ZFHX3: variants seen among roughly 807,000 people sequenced by gnomAD.
ZFHX3 encodes the protein zinc finger homeobox 3, also known as zinc finger homeobox protein 3.
A neutral mutation model predicts 279.1 loss-of-function variants in ZFHX3; 42 were observed. The observed-to-expected ratio is 0.15, with a 90% CI of 0.12 to 0.19. The LOEUF is 0.19. Among genes scored for constraint, ZFHX3 ranks in the 10% least tolerant of loss-of-function variants. ZFHX3 has a pLI of 1.00. For synonymous variants in ZFHX3, 2,293 were observed against 1,957.8 expected (o/e 1.17, Z -4.52); for missense variants, 4,981 against 4,754.0 (o/e 1.05, Z -1.40).
intron 1 of ZFHX3, among the ~76,000 whole-genome samples, chr16:72,990,497 C>T (rs773895936): frequency 4.6e-5 from 7 of 152,158 alleles, no homozygotes; most frequent in East Asian, 1.9e-4. Context: ...GTCCCAGCCA[C>T]GGATGGGACA....
At position 72,961,568 on chromosome 16, in the gene ZFHX3, G is replaced by A. The variant is rs566584443; in HGVS notation, c.-49-1374C>T. On this transcript the variant is annotated intron_variant, in intron 1 of 9. Transcript: ENST00000268489. Reference sequence around the variant, plus strand: ...CCCACCATCTCATTCACACTCAGCCGGTGAAGGTTTCGGCCAGGTTTGATC... The same window carrying A: ...CCCACCATCTCATTCACACTCAGCCAGTGAAGGTTTCGGCCAGGTTTGATC... Among the ~76,000 whole-genome samples, 10 of 151,894 alleles carry A rather than the reference G, an allele frequency of 6.6e-5. No individual in the cohort carries two copies. The South Asian group carries it at 1.5e-3, about 22-fold the overall frequency.
intron 4 of ZFHX3, among the ~76,000 whole-genome samples, chr16:73,300,264 TAAA>T (rs36110201): frequency 0.12 from 14,510 of 123,982 alleles, 812 homozygotes; most frequent in African/African-American, 0.14. Flanking sequence ...CTCTGTCTCT[TAAA>T]AAAAAAAAAA....
chr16:73,323,726 G>C (rs1321316975), intron 3 of ZFHX3, among the ~76,000 whole-genome samples: 2 of 152,160 alleles, frequency 1.3e-5, no homozygotes, highest in African/African-American at 2.4e-5. Context: ...GGAAAAGGGA[G>C]GAGGAGAAGG....
chr16:73,155,770 C>A lies in ZFHX3; in HGVS notation c.-1103-11939G>T, dbSNP rs558868051. Among the ~76,000 whole-genome samples, 23 of 152,058 alleles carry A rather than the reference C, an allele frequency of 1.5e-4. 1 individual carries two copies. Among genetic ancestry groups the A allele is most frequent in the Admixed American group, 1.4e-3 (21 of 15,268 alleles). ...CCCAGGAGGCGGAGGTCACAGTGAGCCGAGATCGCGCCATTGCACTCCAGC... is the reference window on the plus strand; with the variant it reads ...CCCAGGAGGCGGAGGTCACAGTGAGACGAGATCGCGCCATTGCACTCCAGC... On this transcript the variant is annotated intron_variant, in intron 5 of 17. Transcript: ENST00000641206.
At chr16:72,866,555 G>GA (rs2038029133) in intron 4 of ZFHX3, among the ~76,000 whole-genome samples, 1 of 152,182 alleles carries the variant, frequency 6.6e-6, no homozygotes, top group Admixed American at 6.5e-5. Flanking sequence ...ACTAAGCTCA[G>GA]AAAAGCTGGG....
At chr16:73,637,600 G>A (rs1357637168) in intron 2 of ZFHX3, among the ~76,000 whole-genome samples, 1 of 152,010 alleles carries the variant, frequency 6.6e-6, no homozygotes, top group East Asian at 1.9e-4. Flanking sequence ...TTATAGTGTT[G>A]GGTACATGAG....
chr16:73,462,596 T>C (rs1274936548), intron 2 of ZFHX3, among the ~76,000 whole-genome samples: 1 of 152,202 alleles, frequency 6.6e-6, no homozygotes, highest in African/African-American at 2.4e-5. Context: ...TATTTCTTTA[T>C]TTCTAAGAGT....
chr16:73,375,465 T>A (rs1376045940), intron 3 of ZFHX3, among the ~76,000 whole-genome samples: 1 of 152,196 alleles, frequency 6.6e-6, no homozygotes, highest in East Asian at 1.9e-4. Flanking sequence ...TGGTCACTGT[T>A]AATGGGTTAG....
chr16:73,014,805 T>C (rs1964042413), intron 1 of ZFHX3, among the ~76,000 whole-genome samples: 1 of 151,606 alleles, frequency 6.6e-6, no homozygotes, highest in Non-Finnish European at 1.5e-5. Flanking sequence ...AGCCACCATG[T>C]CCGGCCTATG....
intron 3 of ZFHX3, among the ~76,000 whole-genome samples, chr16:73,376,858 T>C (rs898359207): frequency 4.6e-5 from 7 of 152,196 alleles, no homozygotes; most frequent in African/African-American, 1.7e-4. Context: ...TCTAAGACAT[T>C]TTACTAAGCT....
intron 1 of ZFHX3, among the ~76,000 whole-genome samples, chr16:73,783,329 C>G (rs1422130482): frequency 6.6e-6 from 1 of 152,234 alleles, no homozygotes; most frequent in Non-Finnish European, 1.5e-5. Context: ...CACTGTTGAA[C>G]TCTTTCCTGT....
chr16:73,417,396 C>CTTTTTT (rs57283343), intron 3 of ZFHX3, among the ~76,000 whole-genome samples: 319 of 118,556 alleles, frequency 2.7e-3, no homozygotes, highest in Non-Finnish European at 3.8e-3. Flanking sequence ...TTTTTCTTTT[C>CTTTTTT]TTTTTTTTTT....
intron 3 of ZFHX3, among the ~76,000 whole-genome samples, chr16:72,906,700 A>T (rs2039182265): frequency 6.6e-6 from 1 of 152,158 alleles, no homozygotes; most frequent in South Asian, 2.1e-4. Context: ...CAGGAGGCTG[A>T]TGCAGGAGAA....
chr16:72,892,271 T>A (rs1041737761), intron 3 of ZFHX3, among the ~76,000 whole-genome samples: 11 of 152,168 alleles, frequency 7.2e-5, no homozygotes, highest in Admixed American at 1.3e-4. Flanking sequence ...TGCCAACTTG[T>A]ACGTAAGAAT....
chr16:72,957,592 T>C lies in ZFHX3; in HGVS notation c.2554A>G (p.Ser852Gly). The change falls in exon 2 of 10, where the codon AGC becomes GGC. Residue 852 changes from serine (S) to glycine (G), a missense_variant. Transcript: ENST00000268489. ...IQHNRHLGLG[S>G]LPSPAEAELY... ...TCGGCCTCGGCGGGTGAGGGCAGGC[T>C]GCCGAGGCCCAGGTGGCGGTTGTGT... The C allele has an allele frequency of 5.0e-6, 8 of 1,614,036 alleles. No individual in the cohort carries two copies. The highest frequency in any genetic ancestry group is 6.8e-6 in the Non-Finnish European group (8 of 1,180,012).
chr16:72,790,008 G>T (rs1000311283), intron 9 of ZFHX3: 1 of 152,302 alleles, frequency 6.6e-6, no homozygotes, highest in African/African-American at 2.4e-5. Context: ...GCCCTCATGG[G>T]CTAGAATCCC....
intron 3 of ZFHX3, among the ~76,000 whole-genome samples, chr16:73,411,307 G>C (rs540344865): frequency 2.0e-5 from 3 of 152,314 alleles, no homozygotes; most frequent in African/African-American, 2.4e-5. Context: ...TAGGAGATTT[G>C]TGTATTATTG....
chr16:73,050,319 C>A (rs529761960), upstream of ZFHX3, among the ~76,000 whole-genome samples: 2 of 152,374 alleles, frequency 1.3e-5, no homozygotes, highest in East Asian at 3.9e-4. Flanking sequence ...GACCCTGCAA[C>A]CTGCCTCCTG....
chr16:73,285,639 C>T (rs2014576849), intron 4 of ZFHX3, among the ~76,000 whole-genome samples: 1 of 152,176 alleles, frequency 6.6e-6, no homozygotes, highest in Admixed American at 6.5e-5. Context: ...CATATGAAGC[C>T]TCGGCTGGTC....
Sources: allele counts gnomAD v4.1 joint callset (sites outside exome capture counted in the v4.1 genomes callset), GRCh38; gene constraint gnomAD v4.1.1; transcripts MANE v1.5; gene names NCBI Gene and HGNC (gene_info 2026-07-23, HGNC 2026-07-21).